Variants in GABRG3 observed in about 807,000 individuals in gnomAD.
GABRG3 encodes the protein gamma-aminobutyric acid type A receptor subunit gamma3.
Under a neutral mutation model 48.8 loss-of-function variants are expected in GABRG3, and 25 were observed. The observed-to-expected ratio is 0.51, with a 90% CI of 0.37 to 0.72. The LOEUF is 0.72. GABRG3 is among the 30% of genes least tolerant of loss of function. GABRG3 has a pLI of 0.00. For missense variants in GABRG3, 394 were observed against 577.9 expected, an observed-to-expected ratio of 0.68 and a Z score of 3.26; for synonymous variants, 227 against 217.6, an observed-to-expected ratio of 1.04 and a Z score of -0.38.
chr15:27,496,972 C>T (rs1890502295), intron 6 of GABRG3, among the ~76,000 whole-genome samples: 1 of 152,040 alleles, frequency 6.6e-6, no homozygotes, highest in African/African-American at 2.4e-5. Context: ...AGGAAAACAC[C>T]AAGTCTATCT....
chr15:27,187,806 C>G (rs574953984), intron 3 of GABRG3, among the ~76,000 whole-genome samples: 1 of 151,992 alleles, frequency 6.6e-6, no homozygotes, highest in Admixed American at 6.6e-5. Flanking sequence ...ATACATGTGA[C>G]ATGCTGGTGT....
chr15:27,334,680 T>G (rs1893906291), intron 5 of GABRG3, among the ~76,000 whole-genome samples: 1 of 150,618 alleles, frequency 6.6e-6, no homozygotes, highest in Non-Finnish European at 1.5e-5. Flanking sequence ...AAATGATTTC[T>G]GAAGTTCGGT....
chr15:27,270,566 C>T (rs539112032), intron 3 of GABRG3, among the ~76,000 whole-genome samples: 1 of 152,236 alleles, frequency 6.6e-6, no homozygotes, highest in East Asian at 1.9e-4. Flanking sequence ...AGAGAAGAAT[C>T]GTGGTTATCA....
At chr15:27,438,664 G>A (rs946385001) in intron 5 of GABRG3, among the ~76,000 whole-genome samples, 1 of 152,204 alleles carries the variant, frequency 6.6e-6, no homozygotes, top group African/African-American at 2.4e-5. Context: ...GTGTCCTTCT[G>A]CCTTGGAGAT....
chr15:26,982,126 G>A (rs1895066431), intron 2 of GABRG3, among the ~76,000 whole-genome samples: 1 of 152,202 alleles, frequency 6.6e-6, no homozygotes, highest in Non-Finnish European at 1.5e-5. Context: ...TCACCACAGT[G>A]TTTGCATCCT....
At chr15:27,233,811 G>A (rs1165382485) in intron 3 of GABRG3, among the ~76,000 whole-genome samples, 2 of 152,186 alleles carry the variant, frequency 1.3e-5, no homozygotes, top group Non-Finnish European at 2.9e-5. Context: ...ATAGAAAGTA[G>A]GGTTGAGAGT....
At chr15:27,115,697 T>G (rs147936662) in intron 3 of GABRG3, among the ~76,000 whole-genome samples, 1 of 152,308 alleles carries the variant, frequency 6.6e-6, no homozygotes, top group Non-Finnish European at 1.5e-5. Context: ...ACCTTTGAAC[T>G]TCATATTATC....
At chr15:27,478,034 G>A (rs1362097816) in intron 5 of GABRG3, among the ~76,000 whole-genome samples, 1 of 148,542 alleles carries the variant, frequency 6.7e-6, no homozygotes. Flanking sequence ...GTGACAGAGG[G>A]AGACTCCATG....
At chr15:27,408,770 C>T (rs1887712332) in intron 5 of GABRG3, among the ~76,000 whole-genome samples, 1 of 152,142 alleles carries the variant, frequency 6.6e-6, no homozygotes, top group African/African-American at 2.4e-5. Context: ...TTTGCCTGCA[C>T]ATATTATAAG....
chr15:27,351,186 G>A (rs1218675174), intron 5 of GABRG3, among the ~76,000 whole-genome samples: 1 of 148,384 alleles, frequency 6.7e-6, no homozygotes, highest in Non-Finnish European at 1.5e-5. Context: ...TTGTGTGTAT[G>A]TATGGTATGT....
chr15:27,430,146 T>G (rs2140622034), intron 5 of GABRG3, among the ~76,000 whole-genome samples: 1 of 152,364 alleles, frequency 6.6e-6, no homozygotes, highest in East Asian at 1.9e-4. Context: ...ATGTTTCTAA[T>G]GACTAATGAT....
At chr15:27,464,804 A>G (rs1301078489) in intron 5 of GABRG3, among the ~76,000 whole-genome samples, 2 of 152,068 alleles carry the variant, frequency 1.3e-5, no homozygotes, top group East Asian at 3.8e-4. Context: ...TAAATGGACT[A>G]TTTGTCTTTG....
intron 3 of GABRG3, among the ~76,000 whole-genome samples, chr15:27,311,216 A>T (rs1892980566): frequency 6.6e-6 from 1 of 152,154 alleles, no homozygotes; most frequent in African/African-American, 2.4e-5. Context: ...ACTAGCTGAG[A>T]GGCTTCTGCA....
At chr15:27,241,719 A>T (rs1345581453) in intron 3 of GABRG3, among the ~76,000 whole-genome samples, 1 of 152,212 alleles carries the variant, frequency 6.6e-6, no homozygotes, top group South Asian at 2.1e-4. Context: ...CAAACATCCT[A>T]TAATTAAATT....
At chr15:27,053,553 A>C (rs1231958645) in intron 3 of GABRG3, among the ~76,000 whole-genome samples, 1 of 152,218 alleles carries the variant, frequency 6.6e-6, no homozygotes, top group African/African-American at 2.4e-5. Flanking sequence ...AAATTGGTTC[A>C]GCCATTGTGG....
At chr15:27,386,862 C>T (rs77521085) in intron 5 of GABRG3, among the ~76,000 whole-genome samples, 2,785 of 152,304 alleles carry the variant, frequency 0.018, 51 homozygotes, top group East Asian at 0.092. Flanking sequence ...TACTCTGCCA[C>T]CATAGATCAC....
chr15:27,322,734 G>T (rs370150393), intron 3 of GABRG3, among the ~76,000 whole-genome samples: 1 of 152,132 alleles, frequency 6.6e-6, no homozygotes, highest in South Asian at 2.1e-4. Context: ...CTGCCCTGGG[G>T]TTCTTCTACA....
At chr15:27,122,694 A>G (rs1475532236) in intron 3 of GABRG3, among the ~76,000 whole-genome samples, 5 of 152,238 alleles carry the variant, frequency 3.3e-5, no homozygotes, top group Non-Finnish European at 5.9e-5. Context: ...GGCTGGCTCC[A>G]TGGCCACCAG....
chr15:26,988,498 C>T (rs888727940), intron 2 of GABRG3, among the ~76,000 whole-genome samples: 1 of 151,838 alleles, frequency 6.6e-6, no homozygotes, highest in Admixed American at 6.6e-5. Flanking sequence ...TACGTCTTTC[C>T]ATCCTTTTAC....
Sources: gnomAD v4.1 joint callset for allele counts (sites outside exome capture counted in the v4.1 genomes callset) on GRCh38, gnomAD v4.1.1 for gene constraint, MANE v1.5 for transcripts, NCBI Gene and HGNC (gene_info 2026-07-23, HGNC 2026-07-21) for gene names.